The following RELL1 variants were observed in gnomAD, a reference collection of about 807,000 sequenced individuals.
The protein encoded by RELL1 is RELT like 1.
A neutral mutation model predicts 23.0 loss-of-function variants in RELL1; 10 were observed. That is an observed-to-expected ratio of 0.43 (90% CI 0.27 to 0.74). The LOEUF is 0.74. Among genes scored for constraint, RELL1 ranks in the 30% least tolerant of loss-of-function variants. The probability of loss-of-function intolerance (pLI) is 0.19; values close to 1 mark genes in which losing one functional copy is unlikely to be tolerated. For synonymous variants in RELL1, 146 were observed against 146.8 expected, an observed-to-expected ratio of 0.99 and a Z score of 0.04; for missense variants, 315 against 364.4, an observed-to-expected ratio of 0.86 and a Z score of 1.10.
At chr4:37,599,587 T>C (rs1271909701) in intron 6 of RELL1, among the ~76,000 whole-genome samples, 2 of 152,226 alleles carry the variant, frequency 1.3e-5, no homozygotes, top group African/African-American at 4.8e-5. Flanking sequence ...GGGATGCACA[T>C]GGCCAGGATC....
chr4:37,595,449 AG>A (rs1404229824), intron 6 of RELL1, among the ~76,000 whole-genome samples: 1 of 152,194 alleles, frequency 6.6e-6, no homozygotes, highest in African/African-American at 2.4e-5. Flanking sequence ...GTACGGCACA[AG>A]GGGGGAACTC....
At chr4:37,592,589 G>A (rs189458714) in intron 6 of RELL1, among the ~76,000 whole-genome samples, 1,843 of 152,286 alleles carry the variant, frequency 0.012, 23 homozygotes, top group South Asian at 0.037. Context: ...CATTAAGGAT[G>A]CTCAAAACTA....
chr4:37,634,959 A>T lies in RELL1; in HGVS notation c.608T>A (p.Ile203Lys). The T allele has an allele frequency of 1.2e-6, 2 of 1,614,222 alleles. No homozygotes were observed. The highest frequency in any genetic ancestry group is 1.7e-6 in the Non-Finnish European group (2 of 1,180,048). The change falls in exon 5 of 7, where the codon ATA (isoleucine) becomes AAA (lysine). Residue 203 changes from isoleucine to lysine, a missense_variant. Transcript: ENST00000454158. ...HRCRHKRWHFIKPTNKSRESR... is the reference protein window; with the variant it reads ...HRCRHKRWHFKKPTNKSRESR... The stretch of plus-strand genomic sequence containing the variant: ...CTCTCTGGACTTGTTAGTGGGCTTT[A>T]TAAAGTGCCACCGCTTGTGCCTACA...
intron 6 of RELL1, among the ~76,000 whole-genome samples, chr4:37,599,806 C>T (rs1286859413): frequency 6.6e-6 from 1 of 152,160 alleles, no homozygotes; most frequent in Non-Finnish European, 1.5e-5. Context: ...GATCCAGGGG[C>T]CATATGTCCC....
At chr4:37,663,365 A>G (rs954371869) in intron 1 of RELL1, among the ~76,000 whole-genome samples, 1 of 152,198 alleles carries the variant, frequency 6.6e-6, no homozygotes, top group Non-Finnish European at 1.5e-5. Flanking sequence ...TTAAAATTAC[A>G]CATTATGTCC....
chr4:37,669,680 C>G (rs1221681538), intron 1 of RELL1, among the ~76,000 whole-genome samples: 1 of 152,228 alleles, frequency 6.6e-6, no homozygotes, highest in Admixed American at 6.5e-5. Flanking sequence ...TCATTTTGTT[C>G]TGTACGAAGA....
chr4:37,664,047 T>C (rs1349336571), intron 1 of RELL1, among the ~76,000 whole-genome samples: 2 of 152,148 alleles, frequency 1.3e-5, no homozygotes, highest in African/African-American at 2.4e-5. Context: ...AAAACCTTCA[T>C]AGCACAAAAT....
At chr4:37,633,842 GCAACGTAA>G (rs1240597937) in intron 5 of RELL1, among the ~76,000 whole-genome samples, 1 of 152,226 alleles carries the variant, frequency 6.6e-6, no homozygotes, top group African/African-American at 2.4e-5. Context: ...GAGGCATGGA[GCAACGTAA>G]CAGTTTGTAA....
At chr4:37,599,820 C>T (rs1718968815) in intron 6 of RELL1, among the ~76,000 whole-genome samples, 1 of 152,188 alleles carries the variant, frequency 6.6e-6, no homozygotes. Flanking sequence ...ATGTCCCCAC[C>T]CATGAACCAC....
intron 1 of RELL1, among the ~76,000 whole-genome samples, chr4:37,668,924 G>A (rs1004603754): frequency 3.3e-5 from 5 of 151,844 alleles, no homozygotes; most frequent in Admixed American, 2.0e-4. Context: ...GAGAAGTGAG[G>A]AGACCCTCTG....
intron 6 of RELL1, among the ~76,000 whole-genome samples, chr4:37,630,739 A>G (rs1720102774): frequency 6.6e-6 from 1 of 151,772 alleles, no homozygotes; most frequent in Non-Finnish European, 1.5e-5. Context: ...GAAATAAATC[A>G]CTGTGGCTTT....
chr4:37,587,343 A>G (rs1718384970), downstream of RELL1, among the ~76,000 whole-genome samples: 2 of 152,142 alleles, frequency 1.3e-5, no homozygotes, highest in South Asian at 4.1e-4. Context: ...GGTATTATTT[A>G]TAGGTTCCAG....
At chr4:37,607,353 G>T (rs1187864079), downstream of RELL1, among the ~76,000 whole-genome samples, 1 of 152,136 alleles carries the variant, frequency 6.6e-6, no homozygotes, top group Non-Finnish European at 1.5e-5. Flanking sequence ...GGAGGGAAGG[G>T]TTTACATGAA....
At chr4:37,590,993 C>T in exon 7 of RELL1, 1 of 1,608,238 alleles carries the variant, frequency 6.2e-7, no homozygotes, top group Non-Finnish European at 8.5e-7. Context: ...TTGGATGAGA[C>T]TGATTAGGGG....
chr4:37,644,206 C>G (rs990453029), intron 3 of RELL1, among the ~76,000 whole-genome samples: 1 of 151,724 alleles, frequency 6.6e-6, no homozygotes, highest in Non-Finnish European at 1.5e-5. Context: ...AAAACCAAAA[C>G]AGCCCTATTC....
chr4:37,594,895 G>A (rs2380743), intron 6 of RELL1, among the ~76,000 whole-genome samples: 27,862 of 152,156 alleles, frequency 0.18, 2,983 homozygotes, highest in Non-Finnish European at 0.24. Flanking sequence ...TGGTTTGGTC[G>A]TCTGTGTGCA....
downstream of RELL1, among the ~76,000 whole-genome samples, chr4:37,606,699 C>T (rs902290972): frequency 6.6e-6 from 1 of 152,206 alleles, no homozygotes; most frequent in Non-Finnish European, 1.5e-5. The surrounding 1 kb of genome is among the most constrained non-coding windows in gnomAD (Gnocchi z 4.1). Context: ...ACTTCAGGGT[C>T]TGGCTTTTTA....
At chr4:37,598,452 A>C (rs573212179) in intron 6 of RELL1, among the ~76,000 whole-genome samples, 1 of 152,160 alleles carries the variant, frequency 6.6e-6, no homozygotes, top group African/African-American at 2.4e-5. Context: ...AGGTATGACT[A>C]TAGCTTAACA....
exon 7 of RELL1, chr4:37,591,130 C>A: frequency 1.4e-6 from 1 of 723,838 alleles, no homozygotes; most frequent in Non-Finnish European, 2.3e-6. Context: ...TTACATCCAG[C>A]ATCTGTTCTG....
Sources: gnomAD v4.1 joint callset for allele counts (sites outside exome capture counted in the v4.1 genomes callset) on GRCh38, gnomAD v4.1.1 for gene constraint, Gnocchi (gnomAD v3.1) non-coding constraint, MANE v1.5 for transcripts, NCBI Gene and HGNC (gene_info 2026-07-23, HGNC 2026-07-21) for gene names.